Variants in PHYHIPL observed in about 807,000 individuals in gnomAD.
PHYHIPL encodes phytanoyl-CoA 2-hydroxylase interacting protein like, also known as phytanoyl-CoA hydroxylase-interacting protein-like.
In PHYHIPL, 9 loss-of-function variants were observed where a neutral mutation model predicts 33.4. The observed-to-expected ratio is 0.27, with a 90% CI of 0.16 to 0.47. The LOEUF (loss-of-function observed/expected upper bound fraction) is 0.47. Ranked by LOEUF, PHYHIPL falls within the 20% of genes least tolerant of loss-of-function variation. The pLI, the probability that PHYHIPL is intolerant of heterozygous loss-of-function variation, is 0.99. For synonymous variants in PHYHIPL, 153 were observed against 154.1 expected (o/e 0.99, Z 0.05); for missense variants, 365 against 460.7 (o/e 0.79, Z 1.90).
chr10:59,178,396 A>G (rs1052818832), intron 1 of PHYHIPL, among the ~76,000 whole-genome samples: 7 of 152,152 alleles, frequency 4.6e-5, no homozygotes, highest in African/African-American at 1.4e-4. Context: ...TTGGTATTCC[A>G]TATGTAAGCT....
chr10:59,174,511 A>C (rs1017209257), upstream of PHYHIPL, among the ~76,000 whole-genome samples: 3 of 152,214 alleles, frequency 2.0e-5, no homozygotes, highest in Non-Finnish European at 2.9e-5. Flanking sequence ...CCTATATTTA[A>C]TATCGAAAGT....
chr10:59,229,898 G>A (rs1266561722), intron 1 of PHYHIPL, among the ~76,000 whole-genome samples: 1 of 152,066 alleles, frequency 6.6e-6, no homozygotes, highest in African/African-American at 2.4e-5. Context: ...ATTAAGTTAG[G>A]TTTCAGTTCA....
chr10:59,247,598 TAAC>T lies in PHYHIPL; in HGVS notation c.*2009_*2011del, dbSNP rs746362808. On this transcript the variant is annotated 3_prime_UTR_variant, in exon 5 of 5. Transcript: ENST00000373880. The stretch of plus-strand genomic sequence containing the variant: ...TTTATATCATGGGTGAAAGTGATCA[TAAC>T]ATTTCCTGAACCTCAAATAGTTTTG... The T allele has an allele frequency of 6.2e-7, 1 of 1,613,196 alleles. No individual in the cohort carries two copies.
chr10:59,218,875 A>G (rs998527372), intron 1 of PHYHIPL, among the ~76,000 whole-genome samples: 3 of 152,016 alleles, frequency 2.0e-5, no homozygotes, highest in East Asian at 1.9e-4. Flanking sequence ...ACCTCATATT[A>G]CAATGTAGCA....
chr10:59,223,230 G>A (rs529106920), intron 1 of PHYHIPL, among the ~76,000 whole-genome samples: 5 of 152,250 alleles, frequency 3.3e-5, no homozygotes, highest in African/African-American at 9.6e-5. Context: ...ACGGGCCTTT[G>A]GCTTAATTCA....
chr10:59,233,358 A>G (rs1840133465), intron 1 of PHYHIPL, among the ~76,000 whole-genome samples: 1 of 151,872 alleles, frequency 6.6e-6, no homozygotes, highest in African/African-American at 2.4e-5. Flanking sequence ...TTGTTGAATA[A>G]CATTTTATTA....
At chr10:59,191,751 T>A (rs749492807) in intron 1 of PHYHIPL, among the ~76,000 whole-genome samples, 2 of 152,030 alleles carry the variant, frequency 1.3e-5, no homozygotes, top group Non-Finnish European at 2.9e-5. Flanking sequence ...ACTTAATATA[T>A]CTTGAGTCAA....
rs1024494373 is a variant in PHYHIPL at position 59,180,663 on chromosome 10, A to G, written c.106+3704A>G. 2.0e-5 allele frequency among the ~76,000 whole-genome samples: 3 copies of G among 151,978 alleles called. 1 individual carries two copies. The highest frequency in any genetic ancestry group is 6.6e-5 in the Admixed American group (1 of 15,262). ...CTTGTCTTTGTCTCTAACAATACTT[A>G]CGTGGAAAAAATGGAGGAAAAAAAG... is the stretch of plus-strand genomic sequence containing the variant. On this transcript the variant is annotated intron_variant, in intron 1 of 4. Coordinates refer to ENST00000373880, the MANE Select transcript of PHYHIPL (RefSeq NM_032439.4).
intron 4 of PHYHIPL, among the ~76,000 whole-genome samples, chr10:59,240,818 A>C (rs940829558): frequency 3.9e-5 from 6 of 151,970 alleles, no homozygotes; most frequent in Admixed American, 3.3e-4. Context: ...TGTCCCTTAG[A>C]TGGGAACTGG....
chr10:59,182,452 C>T (rs1838436888), intron 1 of PHYHIPL, among the ~76,000 whole-genome samples: 1 of 152,138 alleles, frequency 6.6e-6, no homozygotes, highest in African/African-American at 2.4e-5. Context: ...ACGTGACTCT[C>T]CTGCCTCAGC....
chr10:59,206,874 A>G, intron 1 of PHYHIPL: 1 of 958,154 alleles, frequency 1.0e-6, no homozygotes. Flanking sequence ...TGCACTAGTC[A>G]TGTTTTTGAC....
chr10:59,203,745 C>T (rs530379948), intron 1 of PHYHIPL, among the ~76,000 whole-genome samples: 122 of 132,796 alleles, frequency 9.2e-4, no homozygotes, highest in African/African-American at 3.1e-3. Flanking sequence ...GGGTGGGGAA[C>T]ATCACACACC....
At chr10:59,235,179 CTTTTGTT>C (rs1202686359) in intron 2 of PHYHIPL, among the ~76,000 whole-genome samples, 2 of 150,908 alleles carry the variant, frequency 1.3e-5, no homozygotes, top group Non-Finnish European at 3.0e-5. Context: ...TGTCTTTTGC[CTTTTGTT>C]TTTTGTTTTG....
rs191350440 is a variant in PHYHIPL, at chr10:59,246,579, G to C, written c.*988G>C. ...AAATGAAAATAATAAACATGTTTTC[G>C]TATAAAATAACACAAAATGATATAC... On this transcript the variant is annotated 3_prime_UTR_variant, in exon 5 of 5. Transcript: ENST00000373880. The C allele has an allele frequency of 2.5e-6, 1 of 396,716 alleles. No homozygotes were observed. Among genetic ancestry groups the C allele is most frequent in the Non-Finnish European group, 4.5e-6 (1 of 224,548 alleles). The allele number at this position is 396,716 out of a possible 1,614,324, so 24.6% of individuals were successfully genotyped here.
At chr10:59,203,666 G>T (rs1221310997) in intron 1 of PHYHIPL, among the ~76,000 whole-genome samples, 1 of 150,804 alleles carries the variant, frequency 6.6e-6, no homozygotes, top group South Asian at 2.1e-4. Context: ...CTATCGCAAG[G>T]ACAGAAAGCC....
intron 1 of PHYHIPL, among the ~76,000 whole-genome samples, chr10:59,187,718 A>G (rs1039203611): frequency 1.3e-5 from 2 of 152,142 alleles, no homozygotes; most frequent in Non-Finnish European, 2.9e-5. Flanking sequence ...CGAGGAATTT[A>G]TCCGTTTCTT....
chr10:59,225,766 G>A (rs1237531359), intron 1 of PHYHIPL, among the ~76,000 whole-genome samples: 1 of 152,050 alleles, frequency 6.6e-6, no homozygotes, highest in Non-Finnish European at 1.5e-5. Context: ...TACCCCTTCA[G>A]ATTAAAATCT....
chr10:59,200,668 C>G (rs1179273207), intron 1 of PHYHIPL, among the ~76,000 whole-genome samples: 1 of 152,134 alleles, frequency 6.6e-6, no homozygotes, highest in East Asian at 1.9e-4. Flanking sequence ...TAGAATTCGG[C>G]TGTGAATCCA....
At chr10:59,184,613 G>A (rs16913278) in intron 1 of PHYHIPL, among the ~76,000 whole-genome samples, 3,260 of 151,952 alleles carry the variant, frequency 0.021, 135 homozygotes, top group African/African-American at 0.075. Context: ...AGGCAGTGAC[G>A]GAAACAGGCC....
Sources: gnomAD v4.1 joint callset for allele counts (sites outside exome capture counted in the v4.1 genomes callset) on GRCh38, gnomAD v4.1.1 for gene constraint, MANE v1.5 for transcripts, NCBI Gene and HGNC (gene_info 2026-07-23, HGNC 2026-07-21) for gene names.